Variants in SYT14 observed in about 807,000 individuals in gnomAD.
SYT14 encodes the protein synaptotagmin-14.
A neutral mutation model predicts 74.2 loss-of-function variants in SYT14; 32 were observed. The observed-to-expected ratio is 0.43, with a 90% CI of 0.33 to 0.58. The LOEUF is 0.58. SYT14 is among the 20% of genes least tolerant of loss of function. The pLI is 0.05. For missense variants in SYT14, 791 were observed against 981.8 expected, an observed-to-expected ratio of 0.81 and a Z score of 2.60; for synonymous variants, 298 against 337.7, an observed-to-expected ratio of 0.88 and a Z score of 1.29.
intron 2 of SYT14, among the ~76,000 whole-genome samples, chr1:209,954,356 G>A (rs2078959008): frequency 6.6e-6 from 1 of 151,958 alleles, no homozygotes; most frequent in Admixed American, 6.6e-5. Context: ...TATCCGGGTA[G>A]TTCTCAAAGT....
At chr1:210,062,627 G>A (rs1391649453) in intron 5 of SYT14, among the ~76,000 whole-genome samples, 1 of 151,780 alleles carries the variant, frequency 6.6e-6, no homozygotes, top group Non-Finnish European at 1.5e-5. Context: ...ACTAAACGTT[G>A]TAGTTTACAA....
chr1:210,168,685 A>C (rs2102745584), exon 10 of SYT14: 1 of 152,218 alleles, frequency 6.6e-6, no homozygotes, highest in South Asian at 2.1e-4. Context: ...TGCCATTCAC[A>C]TCTGGTTGAA....
At chr1:209,938,709 G>T (rs1254736031) in intron 1 of SYT14, among the ~76,000 whole-genome samples, 3 of 152,034 alleles carry the variant, frequency 2.0e-5, no homozygotes, top group Admixed American at 6.6e-5. Flanking sequence ...CCATCCTTCC[G>T]CAATACCCAC....
chr1:210,059,451 TAGAGAGAGAGAGAG>T (rs1553272603), intron 5 of SYT14, among the ~76,000 whole-genome samples: 4 of 69,892 alleles, frequency 5.7e-5, no homozygotes, highest in South Asian at 6.0e-4. Flanking sequence ...TATATATATA[TAGAGAGAGAGAGAG>T]AGAGAGAGAG....
chr1:210,024,329 T>C (rs2080365059), intron 5 of SYT14, among the ~76,000 whole-genome samples: 1 of 152,124 alleles, frequency 6.6e-6, no homozygotes, highest in Non-Finnish European at 1.5e-5. Context: ...ATGATAAAAG[T>C]CTGAATTACA....
intron 7 of SYT14, among the ~76,000 whole-genome samples, chr1:210,107,304 G>C (rs763683453): frequency 6.6e-6 from 1 of 152,286 alleles, no homozygotes; most frequent in South Asian, 2.1e-4. Context: ...TTTGTAGATA[G>C]ATAGGGAATT....
intron 7 of SYT14, among the ~76,000 whole-genome samples, chr1:210,138,185 G>A (rs1012156435): frequency 1.3e-5 from 2 of 152,180 alleles, no homozygotes; most frequent in Non-Finnish European, 2.9e-5. Context: ...CATGACTGGG[G>A]AAGTCTCACA....
chr1:210,060,875 T>C (rs2081195946), intron 5 of SYT14, among the ~76,000 whole-genome samples: 1 of 152,082 alleles, frequency 6.6e-6, no homozygotes, highest in Non-Finnish European at 1.5e-5. Flanking sequence ...ACTTGGTGAA[T>C]AGATTTGATC....
intron 7 of SYT14, among the ~76,000 whole-genome samples, chr1:210,126,544 T>A (rs2082574564): frequency 6.6e-6 from 1 of 152,168 alleles, no homozygotes; most frequent in Non-Finnish European, 1.5e-5. Flanking sequence ...TAGAACCAAG[T>A]TTAAAGTATG....
intron 2 of SYT14, among the ~76,000 whole-genome samples, chr1:209,954,588 T>C (rs1370637080): frequency 6.6e-6 from 1 of 152,210 alleles, no homozygotes; most frequent in Non-Finnish European, 1.5e-5. Flanking sequence ...TTTTGCATTT[T>C]ATCCTAGACT....
intron 5 of SYT14, among the ~76,000 whole-genome samples, chr1:210,058,376 C>A (rs1056180191): frequency 1.4e-4 from 21 of 152,146 alleles, no homozygotes; most frequent in South Asian, 6.2e-4. Flanking sequence ...TCTGCCTCAT[C>A]GTCTTTTTCA....
At chr1:210,117,324 TTTATA>T (rs1315831781) in intron 7 of SYT14, among the ~76,000 whole-genome samples, 1 of 152,154 alleles carries the variant, frequency 6.6e-6, no homozygotes, top group Non-Finnish European at 1.5e-5. Flanking sequence ...AGAATCATAC[TTTATA>T]TTATAAGGAA....
exon 10 of SYT14, chr1:210,161,698 A>C (rs1273709913): frequency 4.4e-6 from 2 of 453,722 alleles, no homozygotes; most frequent in Admixed American, 4.7e-5. Flanking sequence ...TTAAAAGTTC[A>C]TTTTTCATTT....
chr1:210,155,631 C>G, intron 7 of SYT14, 90 bp from the exon 7 acceptor site: 1 of 1,356,910 alleles, frequency 7.4e-7, no homozygotes, highest in Non-Finnish European at 1.0e-6. Flanking sequence ...TGTGATTTAC[C>G]TACCTAATCC....
At chr1:210,074,649 A>C (rs1275943437) in intron 5 of SYT14, among the ~76,000 whole-genome samples, 2 of 152,220 alleles carry the variant, frequency 1.3e-5, no homozygotes, top group Non-Finnish European at 2.9e-5. Context: ...AGAAAGCAAT[A>C]CATTTTTTCC....
chr1:210,161,828 TG>T (rs2083378350), exon 10 of SYT14: 1 of 453,464 alleles, frequency 2.2e-6, no homozygotes, highest in Non-Finnish European at 4.4e-6. Flanking sequence ...CCTGTATTCT[TG>T]TATTCCAATG....
chr1:210,084,777 G>A (rs1333450954), intron 5 of SYT14, among the ~76,000 whole-genome samples: 1 of 152,210 alleles, frequency 6.6e-6, no homozygotes, highest in East Asian at 1.9e-4. Flanking sequence ...TGCTCAATAA[G>A]AAGACTCCAT....
chr1:210,160,645 A>T (rs1317435925), intron 9 of SYT14, 84 bp from the exon 9 acceptor site: 1 of 1,186,924 alleles, frequency 8.4e-7, no homozygotes, highest in Non-Finnish European at 1.2e-6. Flanking sequence ...TAAAGTATAA[A>T]TACTTAATTT....
At chr1:210,049,005 G>A (rs1222322524) in intron 5 of SYT14, among the ~76,000 whole-genome samples, 2 of 152,210 alleles carry the variant, frequency 1.3e-5, no homozygotes, top group Admixed American at 6.5e-5. Context: ...TCCATGTCTC[G>A]CATCTGGGTC....
Sources: gnomAD v4.1 joint callset for allele counts (sites outside exome capture counted in the v4.1 genomes callset) on GRCh38, gnomAD v4.1.1 for gene constraint, MANE v1.5 for transcripts, NCBI Gene and HGNC (gene_info 2026-07-23, HGNC 2026-07-21) for gene names.